Variants in DYSF observed in about 807,000 individuals in gnomAD.
The protein encoded by DYSF is dystrophy-associated fer-1-like 1.
In DYSF, 212 loss-of-function variants were observed where a neutral mutation model predicts 274.9. The observed-to-expected ratio is 0.77, with a 90% CI of 0.69 to 0.86. DYSF has a LOEUF of 0.86. Ranked by LOEUF, DYSF falls within the 40% of genes least tolerant of loss-of-function variation. The pLI is 0.00. For missense variants in DYSF, 2,666 were observed against 2,783.2 expected (o/e 0.96, Z 0.95); for synonymous variants, 1,091 against 1,078.7 (o/e 1.01, Z -0.22).
intron 32 of DYSF, among the ~76,000 whole-genome samples, chr2:71,591,966 C>T (rs767174745): frequency 1.3e-5 from 2 of 152,262 alleles, no homozygotes; most frequent in Non-Finnish European, 2.9e-5. Context: ...TTTACAGGCC[C>T]AGGCCAGACA....
At chr2:71,588,147 G>T (rs995613213) in intron 30 of DYSF, among the ~76,000 whole-genome samples, 4 of 152,180 alleles carry the variant, frequency 2.6e-5, no homozygotes, top group Non-Finnish European at 5.9e-5. Flanking sequence ...AGCGTGGTTT[G>T]CCTGAAGCCA....
chr2:71,513,246 G>T lies in DYSF; in HGVS notation c.467G>T (p.Gly156Val). ...LPDLDVVAGG[G>V]QSRAETWSLL... ...TGCCCTGCCCACAAGACAGGCGGGG[G>T]ACAGAGCCGGGCCGAGACTTGGTCC... Residue 156 changes from glycine to valine, a missense_variant, in exon 6 of 56, where the codon GGA (glycine) becomes GTA (valine). Gly to Val is a moderately radical substitution (Grantham distance 109). Transcript: ENST00000410020. 6.4e-7 allele frequency: 1 copy of T among 1,551,618 alleles called. No individual in the cohort carries two copies. The highest frequency in any genetic ancestry group is 1.4e-5 in the African/African-American group (1 of 73,144).
Position 71,497,162 on chromosome 2 carries a change from T to C in DYSF, c.240-6052T>C, listed in dbSNP as rs557430555. On this transcript the variant is annotated intron_variant, in intron 3 of 55. Transcript: ENST00000410020. The stretch of plus-strand genomic sequence containing the variant: ...TGGCTGCCAAGATAGAGCTGATTTA[T>C]CAAGACAGGGGAATTGCAACAGAAA... 2.0e-5 allele frequency among the ~76,000 whole-genome samples: 3 copies of C among 152,352 alleles called. No homozygotes were observed. The South Asian group carries it at 6.2e-4, about 32-fold the overall frequency.
chr2:71,672,849 A>T lies in DYSF; in HGVS notation c.5785-1348A>T, dbSNP rs2095153825. On this transcript the variant is annotated intron_variant, in intron 51 of 55. Coordinates refer to ENST00000410020, the MANE Select transcript of DYSF (RefSeq NM_001130987.2). ...GGAAAAGGGGGGAGGCACCAGACAG[A>T]GGGCTGGAGGTGAGGGGCCAGCTGG... Among the ~76,000 whole-genome samples, 3 of 152,220 alleles carry T rather than the reference A, an allele frequency of 2.0e-5. No homozygotes were observed. The South Asian group carries it at 6.2e-4, about 31-fold the overall frequency.
chr2:71,587,083 C>T (rs758761124), intron 30 of DYSF, among the ~76,000 whole-genome samples: 1 of 152,234 alleles, frequency 6.6e-6, no homozygotes, highest in Admixed American at 6.5e-5. Flanking sequence ...AGTGTCCCTG[C>T]CTCCCAAGTC....
At chr2:71,478,017 C>T (rs1323272006) in intron 1 of DYSF, among the ~76,000 whole-genome samples, 117 of 148,376 alleles carry the variant, frequency 7.9e-4, no homozygotes, top group Non-Finnish European at 4.2e-4. Flanking sequence ...CTAAAAGTGT[C>T]ACTTTTCCTT....
intron 26 of DYSF, 145 bp downstream of exon 26, chr2:71,568,483 A>T (rs1396077148): frequency 9.0e-7 from 1 of 1,105,984 alleles, no homozygotes; most frequent in African/African-American, 1.6e-5. Flanking sequence ...GAACTCTCCC[A>T]GGACTGAGGC....
At chr2:71,586,686 G>A (rs905566692) in intron 30 of DYSF, among the ~76,000 whole-genome samples, 1 of 152,124 alleles carries the variant, frequency 6.6e-6, no homozygotes, top group African/African-American at 2.4e-5. Flanking sequence ...TGCTGACAGG[G>A]GCCCAGTGAG....
Position 71,644,075 on chromosome 2 carries a change from C to T in DYSF, c.4626+12C>T, listed in dbSNP as rs766002220. The T allele has an allele frequency of 1.4e-5, 23 of 1,602,770 alleles. No individual in the cohort carries two copies. Among genetic ancestry groups the T allele is most frequent in the Non-Finnish European group, 1.8e-5 (21 of 1,173,366 alleles). ...TTGACACCCTGAAGGTAAGGCCTCT[C>T]TTCAGTCTGACAGTCGGTGTGTGTG... On this transcript the variant is annotated intron_variant, in intron 42 of 55. Coordinates refer to ENST00000410020, the MANE Select transcript of DYSF (RefSeq NM_001130987.2).
chr2:71,559,223 G>A (rs1195543896), intron 22 of DYSF, among the ~76,000 whole-genome samples: 3 of 152,260 alleles, frequency 2.0e-5, no homozygotes, highest in East Asian at 1.9e-4. Flanking sequence ...CAGCACCTCC[G>A]TGCTGCGTCT....
At position 71,644,091 on chromosome 2, in the gene DYSF, G is replaced by A. The variant is rs754445724; in HGVS notation, c.4626+28G>A. 33 of 1,573,734 alleles carry A rather than the reference G, an allele frequency of 2.1e-5. No homozygotes were observed. In the Admixed American group the frequency reaches 5.0e-4, roughly 24 times the overall value. On this transcript the variant is annotated intron_variant, in intron 42 of 55. Coordinates refer to ENST00000410020, the MANE Select transcript of DYSF (RefSeq NM_001130987.2). ...AAGGCCTCTCTTCAGTCTGACAGTCGGTGTGTGTGTGCGTACTGGGCAGTG... is the reference window on the plus strand; with the variant it reads ...AAGGCCTCTCTTCAGTCTGACAGTCAGTGTGTGTGTGCGTACTGGGCAGTG...
chr2:71,600,566 C>A, intron 33 of DYSF, 136 bp from the exon 34 acceptor site: 1 of 1,238,042 alleles, frequency 8.1e-7, no homozygotes, highest in Non-Finnish European at 1.2e-6. Context: ...GCAGAATTCA[C>A]CATTCTGTGG....
chr2:71,562,790 A>G (rs1175972825), intron 23 of DYSF, among the ~76,000 whole-genome samples: 1 of 152,106 alleles, frequency 6.6e-6, no homozygotes, highest in Non-Finnish European at 1.5e-5. Flanking sequence ...GCCTATAGGC[A>G]CAGGCTGGTT....
At chr2:71,507,628 C>A (rs938332754) in intron 4 of DYSF, among the ~76,000 whole-genome samples, 1 of 152,132 alleles carries the variant, frequency 6.6e-6, no homozygotes, top group African/African-American at 2.4e-5. Flanking sequence ...CACACACACA[C>A]GTAGAGGGAA....
chr2:71,611,776 T>C, intron 38 of DYSF, 150 bp downstream of exon 38: 1 of 1,088,330 alleles, frequency 9.2e-7, no homozygotes, highest in Non-Finnish European at 1.3e-6. Flanking sequence ...GAAATGCTCA[T>C]ACCCTCCTCA....
rs1250588537 is a variant in DYSF, at chr2:71,601,213, C to G, written c.3898-286C>G. On this transcript the variant is annotated intron_variant, in intron 34 of 55. Transcript: ENST00000410020. The stretch of plus-strand genomic sequence containing the variant: ...CCTAGCCTCATGGCCCTGGGCCAGC[C>G]ACTCCCCTGCTGTAAAATGAGAGGT... 6.7e-6 allele frequency: 4 copies of G among 596,476 alleles called. No individual in the cohort carries two copies. In the African/African-American group the frequency reaches 7.4e-5, roughly 11 times the overall value. 36.9% of individuals were successfully genotyped at this position (596,476 alleles called of 1,614,324 possible).
chr2:71,552,683 G>C (rs942186918), intron 19 of DYSF, among the ~76,000 whole-genome samples: 1 of 152,256 alleles, frequency 6.6e-6, no homozygotes. Context: ...TAAGGCCCGG[G>C]TTGCCCCTGC....
At chr2:71,669,265 G>A (rs2095075241) in intron 50 of DYSF, 58 bp downstream of exon 50, 2 of 1,427,676 alleles carry the variant, frequency 1.4e-6, no homozygotes, top group Non-Finnish European at 9.7e-7. Context: ...TGCTCCCTCT[G>A]GGTTGTGCAC....
intron 14 of DYSF, among the ~76,000 whole-genome samples, chr2:71,531,829 T>C (rs2088751779): frequency 6.6e-6 from 1 of 152,136 alleles, no homozygotes; most frequent in African/African-American, 2.4e-5. Context: ...TGGCTGTGAG[T>C]TCAATGCTGA....
Sources: allele counts gnomAD v4.1 joint callset (sites outside exome capture counted in the v4.1 genomes callset), GRCh38; gene constraint gnomAD v4.1.1; transcripts MANE v1.5; gene names NCBI Gene and HGNC (gene_info 2026-07-23, HGNC 2026-07-21).